Variants in KIF13B observed in about 807,000 individuals in gnomAD.
KIF13B encodes the protein kinesin-like protein KIF13B.
KIF13B carries 127 observed loss-of-function variants against 222.0 expected under a neutral mutation model. The observed-to-expected ratio is 0.57, with a 90% CI of 0.50 to 0.66. KIF13B has a LOEUF of 0.66. Ranked by LOEUF, KIF13B falls within the 30% of genes least tolerant of loss-of-function variation. The pLI, the probability that KIF13B is intolerant of heterozygous loss-of-function variation, is 0.00. For missense variants in KIF13B, 2,173 were observed against 2,379.0 expected (o/e 0.91, Z 1.80); for synonymous variants, 976 against 919.0 (o/e 1.06, Z -1.12).
At position 29,075,882 on chromosome 8, in the gene KIF13B, T is replaced by C. The variant is rs140732342; in HGVS notation, c.4459-539A>G. Reference sequence around the variant, plus strand: ...GAGGAAGGGGGTCCCCACTGAGTCCTGAGCAAAGCAAGAAGACAGCTGAAG... The same window carrying C: ...GAGGAAGGGGGTCCCCACTGAGTCCCGAGCAAAGCAAGAAGACAGCTGAAG... On this transcript the variant is annotated intron_variant, in intron 37 of 39. Transcript: ENST00000524189. Among the ~76,000 whole-genome samples, 129 of 152,226 alleles carry C rather than the reference T, an allele frequency of 8.5e-4. 1 individual carries two copies. The highest frequency in any genetic ancestry group is 2.7e-3 in the African/African-American group (114 of 41,534).
intron 37 of KIF13B, among the ~76,000 whole-genome samples, chr8:29,082,651 A>T (rs79251538): frequency 1.3e-5 from 2 of 150,926 alleles, no homozygotes; most frequent in Admixed American, 6.6e-5. Context: ...AAAATAAATT[A>T]AAAAAAAATA....
At chr8:29,245,773 G>A (rs977694499) in intron 1 of KIF13B, among the ~76,000 whole-genome samples, 6 of 121,312 alleles carry the variant, frequency 4.9e-5, no homozygotes, top group African/African-American at 2.2e-4. Context: ...GATTGGAAAG[G>A]AAGAAGTAAA....
intron 4 of KIF13B, chr8:29,189,916 TC>T (rs1340693505): frequency 1.3e-5 from 2 of 152,276 alleles, no homozygotes; most frequent in Non-Finnish European, 2.9e-5. Flanking sequence ...TCTCCCATTT[TC>T]CAATCAACAT....
chr8:29,229,203 T>A (rs941391189), intron 2 of KIF13B, among the ~76,000 whole-genome samples: 1 of 152,208 alleles, frequency 6.6e-6, no homozygotes, highest in African/African-American at 2.4e-5. Context: ...TCTTTAGTTC[T>A]GATCTAATCT....
At chr8:29,161,708 C>A (rs74730191) in intron 12 of KIF13B, among the ~76,000 whole-genome samples, 2 of 143,716 alleles carry the variant, frequency 1.4e-5, no homozygotes, top group African/African-American at 5.1e-5. Context: ...AACCCCCCCC[C>A]AAAAAAAAAC....
chr8:29,226,486 C>A (rs1434469829), intron 2 of KIF13B, among the ~76,000 whole-genome samples: 1 of 152,082 alleles, frequency 6.6e-6, no homozygotes, highest in Non-Finnish European at 1.5e-5. Flanking sequence ...TGTTTAGGAG[C>A]CTGTGAGTAG....
At chr8:29,231,781 G>A (rs182149662) in intron 2 of KIF13B, among the ~76,000 whole-genome samples, 1 of 151,580 alleles carries the variant, frequency 6.6e-6, no homozygotes, top group Admixed American at 6.6e-5. Flanking sequence ...AAGGAAAAAG[G>A]CTTGCTTTAA....
At chr8:29,108,673 T>A (rs781327507) in intron 34 of KIF13B, among the ~76,000 whole-genome samples, 1 of 152,238 alleles carries the variant, frequency 6.6e-6, no homozygotes, top group Non-Finnish European at 1.5e-5. Context: ...TTATCCGCCT[T>A]GAGTTAAAGT....
At chr8:29,112,770 G>A (rs1271045156) in intron 32 of KIF13B, among the ~76,000 whole-genome samples, 1 of 152,170 alleles carries the variant, frequency 6.6e-6, no homozygotes, top group African/African-American at 2.4e-5. Flanking sequence ...GCTGGCACCT[G>A]GGTGAATGAA....
rs1807145640 is a variant in KIF13B at position 29,069,394 on chromosome 8, C to CT, written c.*1109dup. The CT allele has an allele frequency of 6.6e-6, 1 of 152,496 alleles. No individual in the cohort carries two copies. Among genetic ancestry groups the CT allele is most frequent in the African/African-American group, 2.4e-5 (1 of 41,480 alleles). The allele number at this position is 152,496 out of a possible 1,614,324, so 9.4% of individuals were successfully genotyped here. A position where few individuals can be genotyped will look rare whatever the true frequency, so the allele number is the denominator to read the frequency against. ...AGCCGCCAGGCCCCAGCCCCACACT[C>CT]TGAGAGTCTGGGAGTTGCCGAGAAG... is the stretch of plus-strand genomic sequence containing the variant. On this transcript the variant is annotated 3_prime_UTR_variant, in exon 40 of 40. Transcript: ENST00000524189.
chr8:29,187,824 G>C (rs1813008251), intron 5 of KIF13B, among the ~76,000 whole-genome samples: 2 of 152,112 alleles, frequency 1.3e-5, no homozygotes, highest in Non-Finnish European at 2.9e-5. Flanking sequence ...TTGCACATGG[G>C]AACTCGTTAT....
At chr8:29,179,588 C>T (rs1471332891) in intron 8 of KIF13B, among the ~76,000 whole-genome samples, 2 of 152,232 alleles carry the variant, frequency 1.3e-5, no homozygotes, top group East Asian at 3.8e-4. Context: ...GCCACCCAGG[C>T]TCAGGATACA....
rs1003672915 is a variant in KIF13B at position 29,155,876 on chromosome 8, A to G, written c.1405-20T>C. 9.3e-6 allele frequency: 14 copies of G among 1,511,608 alleles called. No individual in the cohort carries two copies. Among genetic ancestry groups the G allele is most frequent in the Admixed American group, 1.9e-5 (1 of 51,672 alleles). The allele number at this position is 1,511,608 out of a possible 1,614,324, so 93.6% of individuals were successfully genotyped here. A position where few individuals can be genotyped will look rare whatever the true frequency, so the allele number is the denominator to read the frequency against. Reference sequence around the variant, plus strand: ...ATGTTCCTAAGAAAAAACCAAATTCACTGATTAATACTGTATTCTTACATA... The same window carrying G: ...ATGTTCCTAAGAAAAAACCAAATTCGCTGATTAATACTGTATTCTTACATA... On this transcript the variant is annotated intron_variant, in intron 13 of 39. Transcript: ENST00000524189.
At chr8:29,142,136 A>T in intron 19 of KIF13B, 21 bp downstream of exon 19, 1 of 1,604,224 alleles carries the variant, frequency 6.2e-7, no homozygotes, top group Non-Finnish European at 8.5e-7. Flanking sequence ...CAATTAAGTG[A>T]TTTTCTCTTA....
In KIF13B at chr8:29,146,540, T is replaced by C; in HGVS notation, c.2025A>G (p.Arg675=). ...QQRLRQWAEE[R]EATLNNSLMR... ...TCAGGCTGTTATTCAACGTTGCTTC[T>C]CTAAAAAAAAATAAAGAAGCGGCAG... Residue 675 remains arginine (R), a splice_region_variant and synonymous_variant, in exon 18 of 40, where the codon AGA becomes AGG. Coordinates refer to ENST00000524189, the MANE Select transcript of KIF13B (RefSeq NM_015254.4). 6.2e-7 allele frequency: 1 copy of C among 1,609,766 alleles called. No individual in the cohort carries two copies.
rs1002262332 is a variant in KIF13B at position 29,218,219 on chromosome 8, C to A, written c.150-22020G>T. The stretch of plus-strand genomic sequence containing the variant: ...CACCAGCTCCTGCAATGGAAATCCT[C>A]AGCACCTAAATTTAGCCCAGTGCCT... On this transcript the variant is annotated intron_variant, in intron 2 of 39. Transcript: ENST00000524189. 5.3e-5 allele frequency among the ~76,000 whole-genome samples: 8 copies of A among 152,200 alleles called. 1 individual carries two copies. In the South Asian group the frequency reaches 6.2e-4, roughly 12 times the overall value.
chr8:29,182,896 T>G (rs1051071325), intron 6 of KIF13B, among the ~76,000 whole-genome samples: 6 of 152,052 alleles, frequency 3.9e-5, no homozygotes, highest in African/African-American at 1.4e-4. Flanking sequence ...ACAAAAAAAA[T>G]GGTAAGTGTG....
intron 32 of KIF13B, 85 bp from the exon 33 acceptor site, chr8:29,110,155 C>G: frequency 1.7e-6 from 2 of 1,169,720 alleles, no homozygotes. Flanking sequence ...ACACACAGAA[C>G]GTATTCCAAA....
At chr8:29,209,851 A>C (rs1368433597) in intron 2 of KIF13B, among the ~76,000 whole-genome samples, 1 of 149,518 alleles carries the variant, frequency 6.7e-6, no homozygotes, top group African/African-American at 2.5e-5. Context: ...CTGGAGTTCA[A>C]GACCAGTCTG....
Sources: gnomAD v4.1 joint callset for allele counts (sites outside exome capture counted in the v4.1 genomes callset) on GRCh38, gnomAD v4.1.1 for gene constraint, MANE v1.5 for transcripts, NCBI Gene and HGNC (gene_info 2026-07-23, HGNC 2026-07-21) for gene names.